Variants in DIMT1 observed in about 807,000 individuals in gnomAD.
DIMT1 encodes the protein DIM1 rRNA methyltransferase and ribosome maturation factor.
A neutral mutation model predicts 43.2 loss-of-function variants in DIMT1; 36 were observed. The ratio of observed to expected loss-of-function variants is 0.83; its 90% CI spans 0.64 to 1.10. The LOEUF is 1.10. DIMT1 is among the 50% of genes least tolerant of loss of function. DIMT1 has a pLI of 0.00. For synonymous variants in DIMT1, 126 were observed against 130.3 expected, an observed-to-expected ratio of 0.97 and a Z score of 0.22; for missense variants, 341 against 385.3, an observed-to-expected ratio of 0.88 and a Z score of 0.96.
intron 3 of DIMT1, among the ~76,000 whole-genome samples, chr5:62,400,150 G>A (rs1439542916): frequency 3.3e-5 from 5 of 152,180 alleles, no homozygotes; most frequent in Non-Finnish European, 4.4e-5. Context: ...ACATGGCATA[G>A]ATAACTTCTC....
At chr5:62,402,145 T>C (rs777072658) in intron 2 of DIMT1, 23 bp from the exon 3 acceptor site, 1 of 1,612,346 alleles carries the variant, frequency 6.2e-7, no homozygotes, top group Non-Finnish European at 8.5e-7. Context: ...ACAAACACTT[T>C]AGCTCTTCTG....
chr5:62,391,309 A>G (rs1448441881), intron 10 of DIMT1: 3 of 211,626 alleles, frequency 1.4e-5, no homozygotes, highest in Non-Finnish European at 2.8e-5. Context: ...ACTCCTTTCA[A>G]AATAATGCAT....
intron 8 of DIMT1, 61 bp downstream of exon 8, chr5:62,393,894 A>G (rs1742389883): frequency 8.2e-6 from 12 of 1,463,856 alleles, no homozygotes; most frequent in Non-Finnish European, 1.1e-5. Flanking sequence ...TGTTATAGGC[A>G]CACATCTTCC....
rs372819795 is a variant in DIMT1, at chr5:62,391,042, CT to C, written c.793-61del. 1,483 of 1,409,012 alleles carry C rather than the reference CT, an allele frequency of 1.1e-3. 7 individuals carry two copies. The African/African-American group carries it at 0.017, about 16-fold the overall frequency. 87.3% of individuals were successfully genotyped at this position (1,409,012 alleles called of 1,614,324 possible). A position where few individuals can be genotyped will look rare whatever the true frequency, so the allele number is the denominator to read the frequency against. On this transcript the variant is annotated intron_variant, in intron 10 of 11. Transcript: ENST00000199320. ...TATCTTTAATGAGGTCACCTTGACT[CT>C]TTTTTTTAGTTCAGTAAGTCATAAA... is the stretch of plus-strand genomic sequence containing the variant.
At position 62,388,734 on chromosome 5, in the gene DIMT1, AG is replaced by A; in HGVS notation, c.*275del. On this transcript the variant is annotated 3_prime_UTR_variant, in exon 12 of 12. Transcript: ENST00000199320. ...TAACATCTTTATACAATAAACTGTT[AG>A]AAATGATAAGTGTAAAGTTGTGCGT... 1 of 423,012 alleles carries A rather than the reference AG, an allele frequency of 2.4e-6. No homozygotes were observed. Among genetic ancestry groups the A allele is most frequent in the Non-Finnish European group, 4.3e-6 (1 of 235,084 alleles). 26.2% of individuals were successfully genotyped at this position (423,012 alleles called of 1,614,324 possible). A position where few individuals can be genotyped will look rare whatever the true frequency, so the allele number is the denominator to read the frequency against.
rs368368814 is a variant in DIMT1 at position 62,388,970 on chromosome 5, TTTC to T, written c.*37_*39del. 705 of 1,568,446 alleles carry T rather than the reference TTTC, an allele frequency of 4.5e-4. 15 individuals carry two copies. The South Asian group carries it at 7.5e-3, about 17-fold the overall frequency. On this transcript the variant is annotated 3_prime_UTR_variant, in exon 12 of 12. Transcript: ENST00000199320. Reference sequence around the variant, plus strand: ...TCAAATACAAAAAATACAAAATTCATTTCTTTTCTTGACCTTGAAAATTTCTGT... The same window carrying T: ...TCAAATACAAAAAATACAAAATTCATTTTTCTTGACCTTGAAAATTTCTGT...
chr5:62,395,054 C>T (rs148181901), intron 6 of DIMT1, among the ~76,000 whole-genome samples: 5 of 144,464 alleles, frequency 3.5e-5, no homozygotes, highest in Non-Finnish European at 7.5e-5. Flanking sequence ...GACGGAGTTT[C>T]GCTCTTGTCG....
At position 62,387,688 on chromosome 5, in the gene DIMT1, A is replaced by G. The variant is rs1434237876; in HGVS notation, c.*1322T>C. On this transcript the variant is annotated 3_prime_UTR_variant, in exon 12 of 12. Transcript: ENST00000199320. ...CGAGTTAAATCTTAAAATTTTTACT[A>G]TAAGGATAGAGATGATACAAGTGAA... is the stretch of plus-strand genomic sequence containing the variant. 1.3e-5 allele frequency: 2 copies of G among 152,198 alleles called. No homozygotes were observed. Among genetic ancestry groups the G allele is most frequent in the African/African-American group, 2.4e-5 (1 of 41,460 alleles). 9.4% of individuals were successfully genotyped at this position (152,198 alleles called of 1,614,324 possible). A position where few individuals can be genotyped will look rare whatever the true frequency, so the allele number is the denominator to read the frequency against.
At chr5:62,389,117 G>T in intron 11 of DIMT1, 65 bp from the exon 12 acceptor site, 2 of 1,324,522 alleles carry the variant, frequency 1.5e-6, no homozygotes, top group Non-Finnish European at 2.1e-6. Context: ...ACGGTATATA[G>T]TTCTATACCA....
chr5:62,400,679 T>A (rs1365433790), intron 3 of DIMT1, among the ~76,000 whole-genome samples: 1 of 149,216 alleles, frequency 6.7e-6, no homozygotes, highest in Non-Finnish European at 1.5e-5. Flanking sequence ...CCACAGCTCC[T>A]GGCCCTACTT....
chr5:62,395,725 T>C (rs745558226), intron 6 of DIMT1, among the ~76,000 whole-genome samples: 1 of 152,092 alleles, frequency 6.6e-6, no homozygotes, highest in Non-Finnish European at 1.5e-5. Flanking sequence ...AAAATAAGGC[T>C]GGTGTGGCGG....
chr5:62,402,930 T>C (rs1742757361), intron 2 of DIMT1, among the ~76,000 whole-genome samples: 1 of 152,212 alleles, frequency 6.6e-6, no homozygotes, highest in African/African-American at 2.4e-5. Flanking sequence ...ACAAACTTTC[T>C]AATGTGTAGT....
At chr5:62,394,446 ATC>A (rs1168480484) in intron 7 of DIMT1, 36 bp downstream of exon 7, 3 of 1,605,586 alleles carry the variant, frequency 1.9e-6, no homozygotes, top group Non-Finnish European at 2.6e-6. Context: ...GTGAGATTCT[ATC>A]TCAGAAAAAA....
intron 3 of DIMT1, among the ~76,000 whole-genome samples, chr5:62,401,583 T>C (rs2112056967): frequency 7.5e-6 from 1 of 132,828 alleles, no homozygotes; most frequent in East Asian, 2.1e-4. Context: ...TATTTTCCTT[T>C]TTTTTTTTTT....
chr5:62,393,156 GACAT>G (rs1326185909), intron 8 of DIMT1, among the ~76,000 whole-genome samples, 166 bp from the exon 9 acceptor site: 1 of 152,100 alleles, frequency 6.6e-6, no homozygotes, highest in Non-Finnish European at 1.5e-5. Context: ...GCAAAAGTAA[GACAT>G]ACATTTGATT....
intron 9 of DIMT1, 134 bp from the exon 10 acceptor site, chr5:62,392,368 T>C (rs1463524272): frequency 1.5e-6 from 1 of 684,066 alleles, no homozygotes; most frequent in Non-Finnish European, 2.5e-6. Context: ...TAAATCTATA[T>C]TCTGTATGGT....
At chr5:62,391,666 C>T in intron 10 of DIMT1, 2 of 1,152,068 alleles carry the variant, frequency 1.7e-6, no homozygotes, top group Non-Finnish European at 2.1e-6. Flanking sequence ...GCAAACATCA[C>T]ATCGCACACA....
intron 11 of DIMT1, among the ~76,000 whole-genome samples, chr5:62,389,875 G>T (rs919171072): frequency 6.6e-6 from 1 of 152,154 alleles, no homozygotes; most frequent in Non-Finnish European, 1.5e-5. Flanking sequence ...AAGAAAAAGA[G>T]AAAATATTTC....
chr5:62,402,823 T>A (rs960218928), intron 2 of DIMT1, among the ~76,000 whole-genome samples: 1 of 152,130 alleles, frequency 6.6e-6, no homozygotes, highest in Admixed American at 6.6e-5. Flanking sequence ...TAAGAGAACA[T>A]CAATAACTCA....
Sources: gnomAD v4.1 joint callset for allele counts (sites outside exome capture counted in the v4.1 genomes callset) on GRCh38, gnomAD v4.1.1 for gene constraint, MANE v1.5 for transcripts, NCBI Gene and HGNC (gene_info 2026-07-23, HGNC 2026-07-21) for gene names.